KLHL1: variants seen among roughly 807,000 people sequenced by gnomAD.
KLHL1 encodes kelch-like protein 1.
KLHL1 carries 47 observed loss-of-function variants against 77.7 expected under a neutral mutation model. The ratio of observed to expected loss-of-function variants is 0.60; its 90% CI spans 0.48 to 0.77. The LOEUF is 0.77. Ranked by LOEUF, KLHL1 falls within the 30% of genes least tolerant of loss-of-function variation. KLHL1 has a pLI of 0.00. For synonymous variants in KLHL1, 360 were observed against 325.2 expected (o/e 1.11, Z -1.15); for missense variants, 925 against 910.8 (o/e 1.02, Z -0.20).
intron 1 of KLHL1, among the ~76,000 whole-genome samples, chr13:70,042,303 G>T (rs944183363): frequency 1.3e-5 from 2 of 152,126 alleles, no homozygotes; most frequent in Non-Finnish European, 2.9e-5. Flanking sequence ...GCGTGCTTGT[G>T]TGGGTGTGTG....
intron 5 of KLHL1, among the ~76,000 whole-genome samples, chr13:69,876,983 G>A (rs1880794236): frequency 6.6e-6 from 1 of 152,038 alleles, no homozygotes; most frequent in South Asian, 2.1e-4. Flanking sequence ...GTTGCAGTGA[G>A]CCAAGACTGT....
rs549527965 is a variant in KLHL1 at position 69,879,093 on chromosome 13, G to A, written c.1227+3190C>T. Among the ~76,000 whole-genome samples the A allele has an allele frequency of 1.4e-4, 21 of 152,170 alleles. No individual in the cohort carries two copies. In the East Asian group the frequency reaches 2.7e-3, roughly 20 times the overall value. On this transcript the variant is annotated intron_variant, in intron 5 of 10. Transcript: ENST00000377844. The stretch of plus-strand genomic sequence containing the variant: ...AGGAAGGTGAACATCACACACCAGG[G>A]CCTGTCGTAGGAGATACGAGTTGAT...
intron 5 of KLHL1, among the ~76,000 whole-genome samples, chr13:69,856,962 A>C (rs1351717318): frequency 6.6e-6 from 1 of 152,002 alleles, no homozygotes; most frequent in Non-Finnish European, 1.5e-5. Flanking sequence ...TAACTTGTCT[A>C]CCGTTCCAAC....
At chr13:69,747,883 TATA>T (rs1443642385) in intron 7 of KLHL1, among the ~76,000 whole-genome samples, 1 of 151,914 alleles carries the variant, frequency 6.6e-6, no homozygotes, top group African/African-American at 2.4e-5. Context: ...TGAAATATTT[TATA>T]ATTAAAAATA....
chr13:70,039,989 C>T (rs1886337731), intron 1 of KLHL1, among the ~76,000 whole-genome samples: 4 of 151,994 alleles, frequency 2.6e-5, no homozygotes, highest in Admixed American at 2.6e-4. Context: ...CTGTAACTCT[C>T]TTTTAGTGTT....
Position 70,041,960 on chromosome 13 carries a change from CTTTG to C in KLHL1, c.497+65239_497+65242del, listed in dbSNP as rs147451577. Among the ~76,000 whole-genome samples, 1,479 of 152,144 alleles carry C rather than the reference CTTTG, an allele frequency of 9.7e-3. 19 individuals carry two copies. Among genetic ancestry groups the C allele is most frequent in the African/African-American group, 0.018 (762 of 41,524 alleles). ...TTTTTTGTTGTTTGCTTGCTTATTT[CTTTG>C]TTTGTTTCCTGTTGTGTTTGGTTAA... On this transcript the variant is annotated intron_variant, in intron 1 of 10. Transcript: ENST00000377844.
Position 70,034,754 on chromosome 13 carries a change from A to T in KLHL1, c.498-58952T>A, listed in dbSNP as rs550865956. Among the ~76,000 whole-genome samples, 4 of 152,310 alleles carry T rather than the reference A, an allele frequency of 2.6e-5. No individual in the cohort carries two copies. In the South Asian group the frequency reaches 8.3e-4, roughly 32 times the overall value. ...TACACCATCGTTCTTTTCTCCAGAC[A>T]TACATATATCTAGAGTTCTTAAACA... On this transcript the variant is annotated intron_variant, in intron 1 of 10. Coordinates refer to ENST00000377844, the MANE Select transcript of KLHL1 (RefSeq NM_020866.3).
intron 1 of KLHL1, among the ~76,000 whole-genome samples, chr13:70,094,295 C>T (rs1218203089): frequency 6.6e-6 from 1 of 151,582 alleles, no homozygotes; most frequent in Non-Finnish European, 1.5e-5. Context: ...CACTGCACTC[C>T]AGCTGCATGA....
At chr13:69,807,060 G>A (rs1877647333) in intron 6 of KLHL1, among the ~76,000 whole-genome samples, 1 of 152,176 alleles carries the variant, frequency 6.6e-6, no homozygotes, top group Non-Finnish European at 1.5e-5. Context: ...ACTGGGCCGA[G>A]TTTTGCCTTT....
chr13:69,977,166 T>C (rs1884568246), intron 1 of KLHL1, among the ~76,000 whole-genome samples: 1 of 151,898 alleles, frequency 6.6e-6, no homozygotes, highest in Non-Finnish European at 1.5e-5. Context: ...AGGAAAAAAA[T>C]AGTAGGTTTG....
Position 69,945,549 on chromosome 13 carries a change from G to C in KLHL1, c.818-5313C>G, listed in dbSNP as rs139260966. On this transcript the variant is annotated intron_variant, in intron 3 of 10. Transcript: ENST00000377844. The stretch of plus-strand genomic sequence containing the variant: ...GGAAAAAAGTTTGCAAATCATATCT[G>C]ATAAAATATTATATACGGAATATAT... Among the ~76,000 whole-genome samples, 989 of 151,550 alleles carry C rather than the reference G, an allele frequency of 6.5e-3. 9 individuals are homozygous for C. The highest frequency in any genetic ancestry group is 0.02 in the African/African-American group (837 of 41,378).
chr13:70,093,805 T>C (rs1214421496), intron 1 of KLHL1, among the ~76,000 whole-genome samples: 1 of 152,178 alleles, frequency 6.6e-6, no homozygotes, highest in Non-Finnish European at 1.5e-5. Context: ...AAATGGAGTA[T>C]GAACCTTAGT....
At chr13:69,767,920 A>G (rs1160864457) in intron 7 of KLHL1, among the ~76,000 whole-genome samples, 1 of 152,232 alleles carries the variant, frequency 6.6e-6, no homozygotes, top group Non-Finnish European at 1.5e-5. Flanking sequence ...ATATGATGTA[A>G]TATTTTAATC....
chr13:69,848,882 A>G (rs1879574579), intron 5 of KLHL1, among the ~76,000 whole-genome samples: 1 of 151,616 alleles, frequency 6.6e-6, no homozygotes, highest in South Asian at 2.1e-4. Flanking sequence ...AACCGAAATG[A>G]AAGTTCTTAT....
intron 7 of KLHL1, among the ~76,000 whole-genome samples, chr13:69,743,931 G>T (rs1427932354): frequency 1.3e-5 from 2 of 151,872 alleles, no homozygotes; most frequent in African/African-American, 2.4e-5. Flanking sequence ...TTTGGGGAAA[G>T]CTTGAGAACT....
chr13:69,773,678 C>T (rs1875687282), intron 7 of KLHL1, among the ~76,000 whole-genome samples: 1 of 151,680 alleles, frequency 6.6e-6, no homozygotes, highest in South Asian at 2.1e-4. Context: ...AGCACAGAAC[C>T]TAAATTAGTA....
At chr13:69,714,182 T>G (rs1876006292) in intron 9 of KLHL1, among the ~76,000 whole-genome samples, 2 of 152,194 alleles carry the variant, frequency 1.3e-5, no homozygotes, top group South Asian at 4.1e-4. Flanking sequence ...CAAAAAAAAT[T>G]TTAAAGTTAA....
At chr13:69,725,622 C>CA (rs1337528072) in intron 8 of KLHL1, among the ~76,000 whole-genome samples, 1 of 151,876 alleles carries the variant, frequency 6.6e-6, no homozygotes, top group Admixed American at 6.6e-5. Flanking sequence ...TCAGGCTTCA[C>CA]AACCTCATTT....
chr13:70,078,041 C>A (rs1292882997), intron 1 of KLHL1, among the ~76,000 whole-genome samples: 1 of 151,972 alleles, frequency 6.6e-6, no homozygotes, highest in African/African-American at 2.4e-5. Context: ...ACAGGTGCCT[C>A]TCTAAATGAT....
Sources: gnomAD v4.1 joint callset for allele counts (sites outside exome capture counted in the v4.1 genomes callset) on GRCh38, gnomAD v4.1.1 for gene constraint, MANE v1.5 for transcripts, NCBI Gene and HGNC (gene_info 2026-07-23, HGNC 2026-07-21) for gene names.